FRMD4A: variants seen among roughly 807,000 people sequenced by gnomAD.
The protein encoded by FRMD4A is FERM domain containing 4A.
In FRMD4A, 29 loss-of-function variants were observed where a neutral mutation model predicts 129.1. The observed-to-expected ratio is 0.22, with a 90% CI of 0.17 to 0.31. The LOEUF is 0.31. FRMD4A is among the 10% of genes least tolerant of loss of function. FRMD4A has a pLI of 1.00. For synonymous variants in FRMD4A, 634 were observed against 571.6 expected (o/e 1.11, Z -1.56); for missense variants, 1,272 against 1,375.8 (o/e 0.92, Z 1.19).
In FRMD4A at chr10:13,754,567, C is replaced by CGTGTGT. The variant is rs56304219; in HGVS notation, c.465-6754_465-6749dup. 1.2e-3 allele frequency among the ~76,000 whole-genome samples: 178 copies of CGTGTGT among 147,994 alleles called. 1 individual carries two copies. Among genetic ancestry groups the CGTGTGT allele is most frequent in the African/African-American group, 3.8e-3 (155 of 40,292 alleles). On this transcript the variant is annotated intron_variant, in intron 8 of 24. Transcript: ENST00000357447. ...GGGAAAACGCCACACACAATTCTTT[C>CGTGTGT]GTGTGTGTGTGTGTGTGTGTGTGTG...
chr10:14,174,653 T>C (rs1261904143), intron 2 of FRMD4A, among the ~76,000 whole-genome samples: 2 of 151,952 alleles, frequency 1.3e-5, no homozygotes, highest in African/African-American at 2.4e-5. Context: ...TTCTGGTCTG[T>C]GTACAGAAAG....
intron 2 of FRMD4A, among the ~76,000 whole-genome samples, chr10:13,959,699 C>G (rs2095434405): frequency 6.6e-6 from 1 of 152,076 alleles, no homozygotes; most frequent in Non-Finnish European, 1.5e-5. Flanking sequence ...TGAGGCCACT[C>G]CAAGCTCATG....
intron 15 of FRMD4A, among the ~76,000 whole-genome samples, chr10:13,678,222 C>G (rs554275635): frequency 6.6e-6 from 1 of 152,276 alleles, no homozygotes; most frequent in East Asian, 1.9e-4. Flanking sequence ...CTAGATGGCT[C>G]AAGAGCCCCT....
At chr10:13,819,069 A>G (rs1296752680) in intron 3 of FRMD4A, among the ~76,000 whole-genome samples, 1 of 152,172 alleles carries the variant, frequency 6.6e-6, no homozygotes, top group Non-Finnish European at 1.5e-5. Context: ...TGGAGGTTGC[A>G]GTGAGCCGAG....
intron 3 of FRMD4A, among the ~76,000 whole-genome samples, chr10:13,825,647 C>CTA (rs1397865002): frequency 2.0e-5 from 3 of 152,166 alleles, no homozygotes; most frequent in Non-Finnish European, 4.4e-5. Flanking sequence ...GATCACTGGT[C>CTA]TATACAGTGT....
intron 2 of FRMD4A, among the ~76,000 whole-genome samples, chr10:14,207,686 CCACACA>C (rs56740311): frequency 1.4e-4 from 21 of 145,838 alleles, no homozygotes; most frequent in South Asian, 2.2e-4. Context: ...TCCTAGGTAA[CCACACA>C]CACACACACA....
intron 6 of FRMD4A, among the ~76,000 whole-genome samples, chr10:13,779,142 C>T (rs2092676240): frequency 6.6e-6 from 1 of 152,026 alleles, no homozygotes; most frequent in Non-Finnish European, 1.5e-5. Context: ...CACGGTGAAA[C>T]CCCATCTCTA....
At chr10:13,794,800 A>G (rs1469289410) in intron 5 of FRMD4A, among the ~76,000 whole-genome samples, 1 of 152,172 alleles carries the variant, frequency 6.6e-6, no homozygotes, top group African/African-American at 2.4e-5. Context: ...ATGGCTACGG[A>G]TCAGAAGTGG....
intron 2 of FRMD4A, chr10:13,891,717 C>T (rs1425293822): frequency 2.0e-6 from 2 of 984,656 alleles, no homozygotes; most frequent in African/African-American, 3.5e-5. Flanking sequence ...CGGGCGAAGG[C>T]CCTTGGCCTA....
chr10:14,236,916 A>C (rs1400916169), intron 2 of FRMD4A, among the ~76,000 whole-genome samples: 1 of 149,320 alleles, frequency 6.7e-6, no homozygotes, highest in Non-Finnish European at 1.5e-5. Flanking sequence ...TAGCTAATGA[A>C]ACCTATATTT....
intron 2 of FRMD4A, among the ~76,000 whole-genome samples, chr10:14,023,455 C>A (rs980066139): frequency 1.3e-5 from 2 of 152,272 alleles, no homozygotes; most frequent in Non-Finnish European, 2.9e-5. Context: ...CCTTCTCCAG[C>A]TGCGAGACGC....
chr10:13,660,227 G>A (rs1245467595), intron 20 of FRMD4A, 89 bp downstream of exon 20: 3 of 841,176 alleles, frequency 3.6e-6, no homozygotes, highest in South Asian at 3.1e-5. Flanking sequence ...TGTGGATTTT[G>A]TCACCGTGGA....
intron 2 of FRMD4A, among the ~76,000 whole-genome samples, chr10:14,128,418 G>T (rs1839046302): frequency 6.6e-6 from 1 of 152,060 alleles, no homozygotes; most frequent in Admixed American, 6.6e-5. Context: ...TTGCTTTCTG[G>T]TTACATAAAA....
intron 2 of FRMD4A, among the ~76,000 whole-genome samples, chr10:14,207,926 C>T (rs1441547270): frequency 3.3e-5 from 5 of 152,022 alleles, no homozygotes; most frequent in Non-Finnish European, 5.9e-5. Context: ...GTTGGCTGGG[C>T]GCAGTAACTC....
intron 2 of FRMD4A, among the ~76,000 whole-genome samples, chr10:14,004,885 T>C (rs540774273): frequency 4.4e-4 from 67 of 152,336 alleles, no homozygotes; most frequent in African/African-American, 1.4e-3. Flanking sequence ...AGCACCTAAA[T>C]TGTCTTTGTT....
At position 14,139,640 on chromosome 10, in the gene FRMD4A, G is replaced by A. The variant is rs191688367; in HGVS notation, c.45+190418C>T. Among the ~76,000 whole-genome samples the A allele has an allele frequency of 7.4e-4, 113 of 151,718 alleles. 1 individual carries two copies. The highest frequency in any genetic ancestry group is 1.3e-3 in the Non-Finnish European group (85 of 67,918). ...AATTTTTTTGTGATTTGTAGAGATG[G>A]GGTCTTGCCATGTTGCCTGGGCTAG... is the stretch of plus-strand genomic sequence containing the variant. On this transcript the variant is annotated intron_variant, in intron 2 of 24. Transcript: ENST00000357447.
rs148071338 is a variant in FRMD4A, at chr10:14,077,437, T to G, written c.46-218525A>C. ...AGAATACTAATAATCATAACAATAATGCCTACCTCACTGATCTCTTAGGGT... is the reference window on the plus strand; with the variant it reads ...AGAATACTAATAATCATAACAATAAGGCCTACCTCACTGATCTCTTAGGGT... On this transcript the variant is annotated intron_variant, in intron 2 of 24. Coordinates refer to ENST00000357447, the MANE Select transcript of FRMD4A (RefSeq NM_018027.5). Among the ~76,000 whole-genome samples the G allele has an allele frequency of 6.1e-3, 930 of 152,316 alleles. 15 individuals carry two copies. The highest frequency in any genetic ancestry group is 0.021 in the African/African-American group (884 of 41,552).
At chr10:13,723,385 CT>C (rs1324277981) in intron 12 of FRMD4A, among the ~76,000 whole-genome samples, 1 of 152,294 alleles carries the variant, frequency 6.6e-6, no homozygotes, top group East Asian at 1.9e-4. Context: ...TTTGATTCCA[CT>C]TATATGAGTG....
chr10:14,114,902 A>T (rs1838119667), intron 2 of FRMD4A, among the ~76,000 whole-genome samples: 1 of 152,232 alleles, frequency 6.6e-6, no homozygotes, highest in East Asian at 1.9e-4. Flanking sequence ...GGCCCTCTGC[A>T]TACTGAATGC....
Sources: gnomAD v4.1 joint callset for allele counts (sites outside exome capture counted in the v4.1 genomes callset) on GRCh38, gnomAD v4.1.1 for gene constraint, MANE v1.5 for transcripts, NCBI Gene and HGNC (gene_info 2026-07-23, HGNC 2026-07-21) for gene names.